The following ZBTB49 variants were observed in gnomAD, a reference collection of about 807,000 sequenced individuals.
The protein encoded by ZBTB49 is zinc finger and BTB domain-containing protein 49.
In ZBTB49, 43 loss-of-function variants were observed where a neutral mutation model predicts 57.5. The observed-to-expected ratio is 0.75, with a 90% CI of 0.59 to 0.97. ZBTB49 has a LOEUF of 0.97. ZBTB49 is among the 50% of genes least tolerant of loss of function. ZBTB49 has a pLI of 0.00. For synonymous variants in ZBTB49, 369 were observed against 362.1 expected, an observed-to-expected ratio of 1.02 and a Z score of -0.22; for missense variants, 938 against 947.7, an observed-to-expected ratio of 0.99 and a Z score of 0.13.
intron 1 of ZBTB49, among the ~76,000 whole-genome samples, chr4:4,292,245 C>T (rs1320233885): frequency 2.0e-5 from 3 of 152,146 alleles, no homozygotes; most frequent in Non-Finnish European, 4.4e-5. Flanking sequence ...CACACCACTC[C>T]ACTCCAGCCT....
Position 4,302,524 on chromosome 4 carries a change from G to C in ZBTB49, c.688G>C (p.Gly230Arg), listed in dbSNP as rs371151505. The stretch of plus-strand genomic sequence containing the variant: ...TAAGCAGTACCATAAACACGCAGCT[G>C]GTCCCAGTCAGGAGAGAGTTGTTGA... ...YSKQYHKHAA[G>R]PSQERVVEQP... Residue 230 changes from glycine to arginine, a missense_variant, in exon 3 of 8, where the codon GGT becomes CGT. Gly to Arg is a moderately radical substitution (Grantham distance 125, BLOSUM62 -2). This residue lies in a region of ZBTB49 where 835 missense variants were observed against 819.1 expected (regional missense o/e 1.02). Coordinates refer to ENST00000337872, the MANE Select transcript of ZBTB49 (RefSeq NM_145291.4). The C allele has an allele frequency of 2.3e-5, 37 of 1,613,956 alleles. No homozygotes were observed. In the African/African-American group the frequency reaches 4.4e-4, roughly 19 times the overall value.
intron 5 of ZBTB49, among the ~76,000 whole-genome samples, chr4:4,313,436 C>T (rs1203801663): frequency 3.9e-5 from 6 of 152,094 alleles, no homozygotes; most frequent in East Asian, 1.9e-4. Flanking sequence ...TAGATTAATG[C>T]CCCCAAGGAG....
intron 2 of ZBTB49, among the ~76,000 whole-genome samples, chr4:4,301,208 G>A (rs1018105991): frequency 6.6e-6 from 1 of 152,150 alleles, no homozygotes; most frequent in Non-Finnish European, 1.5e-5. Context: ...GATTGTATTT[G>A]ACAAAATGTC....
At position 4,315,854 on chromosome 4, in the gene ZBTB49, C is replaced by T. The variant is rs779952699; in HGVS notation, c.1505C>T (p.Thr502Met). 19 of 1,614,108 alleles carry T rather than the reference C, an allele frequency of 1.2e-5. No individual in the cohort carries two copies. Among genetic ancestry groups the T allele is most frequent in the Middle Eastern group, 1.6e-4 (1 of 6,084 alleles). The change falls in exon 7 of 8, where the codon ACG (threonine) becomes ATG (methionine). Residue 502 changes from threonine to methionine, a missense_variant. Thr to Met is a moderately conservative substitution (Grantham distance 81, BLOSUM62 -1). Transcript: ENST00000337872. ...TTGAAGGAGCACAAAAAGACACACA[C>T]GGCTGATAAAGTCTTCACCTGTGAT... is the stretch of plus-strand genomic sequence containing the variant. ...SNLKEHKKTH[T>M]ADKVFTCDEC...
At chr4:4,306,225 C>T in intron 4 of ZBTB49, 41 bp downstream of exon 4, 1 of 1,537,214 alleles carries the variant, frequency 6.5e-7, no homozygotes, top group Non-Finnish European at 9.0e-7. Context: ...TGGAAACCTG[C>T]AACACAGTGT....
At chr4:4,303,224 G>T in intron 3 of ZBTB49, 133 bp downstream of exon 3, 1 of 1,065,740 alleles carries the variant, frequency 9.4e-7, no homozygotes. Context: ...AAAATAAGGG[G>T]GATTAACTAC....
intron 1 of ZBTB49, among the ~76,000 whole-genome samples, chr4:4,294,914 T>TGTGTGC (rs1373197134): frequency 6.8e-6 from 1 of 147,166 alleles, no homozygotes; most frequent in Non-Finnish European, 1.5e-5. Flanking sequence ...TGTGTGTGTG[T>TGTGTGC]GTTTAATGTC....
Position 4,302,611 on chromosome 4 carries a change from G to T in ZBTB49, c.775G>T (p.Val259Phe). 6.2e-7 allele frequency: 1 copy of T among 1,613,096 alleles called. No homozygotes were observed. Among genetic ancestry groups the T allele is most frequent in the South Asian group, 1.1e-5 (1 of 90,934 alleles). The change falls in exon 3 of 8, where the codon GTC becomes TTC. Residue 259 changes from valine (V) to phenylalanine (F), a missense_variant. By Grantham distance (50) the Val-to-Phe change is conservative. Around this residue, in one of 3 missense-constraint regions of ZBTB49, gnomAD observed 835 missense variants for 819.1 expected, o/e 1.02. Transcript: ENST00000337872. The part of the protein sequence containing the change: ...LTTVESQPCA[V>F]SHSECILESP... ...CACGGTAGAGAGCCAGCCTTGTGCC[G>T]TCAGTCATTCTGAATGCATCCTGGA...
chr4:4,302,019 G>A lies in ZBTB49; in HGVS notation c.183G>A (p.Lys61=). Residue 61 remains lysine (K), a synonymous_variant, in exon 3 of 8, where the codon AAG becomes AAA. Coordinates refer to ENST00000337872, the MANE Select transcript of ZBTB49 (RefSeq NM_145291.4). ...TCTTTCAGAATTCTTCAAGCCAGAAGAATGATGTTTTTCACTTGGATGTTA... is the reference window on the plus strand; with the variant it reads ...TCTTTCAGAATTCTTCAAGCCAGAAAAATGATGTTTTTCACTTGGATGTTA... ...RSLFQNSSSQ[K]NDVFHLDVKN... 2.5e-6 allele frequency: 4 copies of A among 1,581,774 alleles called. No individual in the cohort carries two copies. The highest frequency in any genetic ancestry group is 1.3e-5 in the African/African-American group (1 of 74,310).
intron 4 of ZBTB49, among the ~76,000 whole-genome samples, chr4:4,307,742 A>T (rs991097550): frequency 6.6e-6 from 1 of 152,020 alleles, no homozygotes; most frequent in Non-Finnish European, 1.5e-5. Flanking sequence ...TGAGACTCGG[A>T]CTAATGACCA....
chr4:4,312,389 A>C (rs1326728502), intron 4 of ZBTB49, among the ~76,000 whole-genome samples: 1 of 152,190 alleles, frequency 6.6e-6, no homozygotes, highest in Admixed American at 6.6e-5. Context: ...ATAGAAATCC[A>C]TCTGATGATC....
chr4:4,306,040 A>T, intron 3 of ZBTB49, 98 bp from the exon 4 acceptor site: 1 of 902,524 alleles, frequency 1.1e-6, no homozygotes, highest in Non-Finnish European at 1.8e-6. Flanking sequence ...TGCAGAATGT[A>T]ATGCCATTTT....
chr4:4,298,457 G>C (rs1303424829), intron 1 of ZBTB49, among the ~76,000 whole-genome samples: 1 of 82,226 alleles, frequency 1.2e-5, no homozygotes, highest in Non-Finnish European at 3.3e-5. Flanking sequence ...GTCTCTCTCT[G>C]TCACCCAGGC....
At position 4,294,872 on chromosome 4, in the gene ZBTB49, C is replaced by T. The variant is rs1337978686; in HGVS notation, c.-20+4520C>T. ...TTAACAGGTCTGTGGAGGAGGGTTT[C>T]GTGTGTGTGTGTGTGTGTGTGTGTG... is the stretch of plus-strand genomic sequence containing the variant. On this transcript the variant is annotated intron_variant, in intron 1 of 7. Coordinates refer to ENST00000337872, the MANE Select transcript of ZBTB49 (RefSeq NM_145291.4). Among the ~76,000 whole-genome samples the T allele has an allele frequency of 5.8e-5, 8 of 138,128 alleles. No individual in the cohort carries two copies. In the East Asian group the frequency reaches 1.3e-3, roughly 23 times the overall value. 90.6% of individuals were successfully genotyped at this position (138,128 alleles called of 152,430 possible).
At chr4:4,303,225 G>T (rs1720582981) in intron 3 of ZBTB49, 134 bp downstream of exon 3, 1 of 1,061,288 alleles carries the variant, frequency 9.4e-7, no homozygotes, top group Non-Finnish European at 1.3e-6. Flanking sequence ...AAATAAGGGG[G>T]ATTAACTACT....
intron 1 of ZBTB49, 111 bp from the exon 2 acceptor site, chr4:4,299,808 TGTGAGAGA>T (rs147365304): frequency 0.031 from 22,033 of 710,830 alleles, 1,203 homozygotes; most frequent in East Asian, 0.28. Context: ...TGTGTGTGTG[TGTGAGAGA>T]GAAACTGTGA....
At chr4:4,303,633 A>G (rs944895340) in intron 3 of ZBTB49, among the ~76,000 whole-genome samples, 6 of 152,272 alleles carry the variant, frequency 3.9e-5, no homozygotes, top group Admixed American at 3.3e-4. Flanking sequence ...ATATTCTCAA[A>G]AGAAAATTCT....
chr4:4,298,970 G>A (rs1007047820), intron 1 of ZBTB49, among the ~76,000 whole-genome samples: 2 of 152,120 alleles, frequency 1.3e-5, no homozygotes, highest in East Asian at 3.9e-4. Flanking sequence ...GGCGTGTTTT[G>A]TTCATTGCTG....
rs530189679 is a variant in ZBTB49, at chr4:4,317,954, C to T, written c.1621+1984C>T. On this transcript the variant is annotated intron_variant, in intron 7 of 7. Coordinates refer to ENST00000337872, the MANE Select transcript of ZBTB49 (RefSeq NM_145291.4). Reference sequence around the variant, plus strand: ...GCTTCGTTGGGGTTTCACTGCTCTCCGGGCAGCCTCCCCTGCTGATTGAGA... The same window carrying T: ...GCTTCGTTGGGGTTTCACTGCTCTCTGGGCAGCCTCCCCTGCTGATTGAGA... Among the ~76,000 whole-genome samples, 18 of 152,264 alleles carry T rather than the reference C, an allele frequency of 1.2e-4. No homozygotes were observed. In the East Asian group the frequency reaches 1.5e-3, roughly 13 times the overall value.
Sources: allele counts gnomAD v4.1 joint callset (sites outside exome capture counted in the v4.1 genomes callset), GRCh38; gene constraint gnomAD v4.1.1; regional missense constraint gnomAD v4.1.1; transcripts MANE v1.5; gene names NCBI Gene and HGNC (gene_info 2026-07-23, HGNC 2026-07-21).